LDLRAD4: variants seen among roughly 807,000 people sequenced by gnomAD.
LDLRAD4 encodes the protein low-density lipoprotein receptor class A domain-containing protein 4.
Under a neutral mutation model 17.0 loss-of-function variants are expected in LDLRAD4, and 5 were observed. The observed-to-expected ratio is 0.29, with a 90% confidence interval of 0.15 to 0.62. LDLRAD4 has a LOEUF of 0.62. Ranked by LOEUF, LDLRAD4 falls within the 20% of genes least tolerant of loss-of-function variation. The probability of loss-of-function intolerance (pLI) is 0.84; values close to 1 mark genes in which losing one functional copy is unlikely to be tolerated. For missense variants in LDLRAD4, 340 were observed against 424.7 expected, an observed-to-expected ratio of 0.80 and a Z score of 1.75; for synonymous variants, 168 against 171.8, an observed-to-expected ratio of 0.98 and a Z score of 0.17.
Position 13,621,304 on chromosome 18 carries a change from A to G in LDLRAD4, c.336+33A>G. ...CCCTGGCCGCCCCGGCTCCAGAGTCAGGCAGCTGCAAGAGGCTTAGGAGCC... is the reference window on the plus strand; with the variant it reads ...CCCTGGCCGCCCCGGCTCCAGAGTCGGGCAGCTGCAAGAGGCTTAGGAGCC... On this transcript the variant is annotated intron_variant, in intron 4 of 5. Coordinates refer to ENST00000359446, the Ensembl canonical transcript of LDLRAD4. The surrounding 1 kb of genome is among the most constrained non-coding windows in gnomAD (Gnocchi z 5.5). The G allele has an allele frequency of 6.4e-7, 1 of 1,561,338 alleles. No homozygotes were observed. The highest frequency in any genetic ancestry group is 8.8e-7 in the Non-Finnish European group (1 of 1,138,718).
intron 3 of LDLRAD4, among the ~76,000 whole-genome samples, chr18:13,478,326 AG>A (rs2092999562): frequency 6.6e-6 from 1 of 152,184 alleles, no homozygotes; most frequent in African/African-American, 2.4e-5. Context: ...CTGCCCTAGA[AG>A]GTCAGGATTA....
chr18:13,411,626 C>T (rs1324983700), intron 2 of LDLRAD4, among the ~76,000 whole-genome samples: 1 of 152,158 alleles, frequency 6.6e-6, no homozygotes, highest in Non-Finnish European at 1.5e-5. Context: ...CGCTCTCTTG[C>T]CTGCTACCAG....
At chr18:13,316,552 G>T (rs1218502604) in intron 1 of LDLRAD4, among the ~76,000 whole-genome samples, 1 of 152,222 alleles carries the variant, frequency 6.6e-6, no homozygotes, top group Non-Finnish European at 1.5e-5. Context: ...GCCACGGGTG[G>T]TTCTGAGTGG....
At chr18:13,377,232 A>C (rs1246474188) in intron 1 of LDLRAD4, among the ~76,000 whole-genome samples, 1 of 152,326 alleles carries the variant, frequency 6.6e-6, no homozygotes, top group East Asian at 1.9e-4. Context: ...ACTGTTTTGC[A>C]TTCTGTCCTT....
At chr18:13,594,175 C>T (rs1009155099) in intron 3 of LDLRAD4, among the ~76,000 whole-genome samples, 1 of 152,056 alleles carries the variant, frequency 6.6e-6, no homozygotes, top group Non-Finnish European at 1.5e-5. Context: ...AGCAGCACCT[C>T]GCTTAGAGGT....
chr18:13,406,217 C>T (rs997895517), intron 2 of LDLRAD4, among the ~76,000 whole-genome samples: 6 of 152,158 alleles, frequency 3.9e-5, no homozygotes, highest in South Asian at 2.1e-4. Context: ...CGGCTGATGA[C>T]GGATGGTGAA....
intron 3 of LDLRAD4, among the ~76,000 whole-genome samples, chr18:13,536,893 T>G (rs996732986): frequency 6.6e-6 from 1 of 152,230 alleles, no homozygotes; most frequent in African/African-American, 2.4e-5. Context: ...TATGTTTTTT[T>G]CAAATATTCT....
At chr18:13,650,124 A>C in exon 6 of LDLRAD4, 1 of 398,594 alleles carries the variant, frequency 2.5e-6, no homozygotes. Context: ...AATGGAAAGC[A>C]CTCTTAGCCT....
intron 3 of LDLRAD4, among the ~76,000 whole-genome samples, chr18:13,573,104 TA>T (rs2094715962): frequency 6.6e-6 from 1 of 151,896 alleles, no homozygotes; most frequent in Non-Finnish European, 1.5e-5. Context: ...TTTTTATTTT[TA>T]TTTTATTTTA....
intron 3 of LDLRAD4, among the ~76,000 whole-genome samples, chr18:13,495,724 G>C (rs564352731): frequency 6.6e-6 from 1 of 152,036 alleles, no homozygotes. Flanking sequence ...TTCAAAGGTC[G>C]TAGGGCCCAG....
intron 1 of LDLRAD4, among the ~76,000 whole-genome samples, chr18:13,372,134 A>G (rs899040041): frequency 3.9e-5 from 6 of 152,344 alleles, no homozygotes; most frequent in Middle Eastern, 3.4e-3. Flanking sequence ...CACTTGATCT[A>G]TTGTCGAATT....
At chr18:13,321,030 C>T (rs1350921040) in intron 1 of LDLRAD4, among the ~76,000 whole-genome samples, 3 of 152,130 alleles carry the variant, frequency 2.0e-5, no homozygotes, top group Non-Finnish European at 2.9e-5. Flanking sequence ...GTGTGGAGAG[C>T]GTAGTTGGAG....
At position 13,557,432 on chromosome 18, in the gene LDLRAD4, G is replaced by A. The variant is rs550702988; in HGVS notation, c.182-63685G>A. 1.1e-4 allele frequency among the ~76,000 whole-genome samples: 17 copies of A among 152,020 alleles called. No homozygotes were observed. The South Asian group carries it at 2.7e-3, about 24-fold the overall frequency. On this transcript the variant is annotated intron_variant, in intron 3 of 5. Transcript: ENST00000359446. ...CCTTTTTTTTTTGAGATTGAGTCTC[G>A]CTCTTTCGCCCAAGCTGGGGCGCAG...
At chr18:13,259,859 G>A (rs922200978) in intron 1 of LDLRAD4, among the ~76,000 whole-genome samples, 2 of 152,214 alleles carry the variant, frequency 1.3e-5, no homozygotes, top group African/African-American at 4.8e-5. Context: ...CACTGGGTGC[G>A]CAGGGCAAGA....
intron 4 of LDLRAD4, among the ~76,000 whole-genome samples, chr18:13,636,743 G>T (rs983278059): frequency 5.5e-5 from 8 of 145,370 alleles, no homozygotes; most frequent in Non-Finnish European, 1.1e-4. Flanking sequence ...CAGGTGATTT[G>T]CCTGCCTTGG....
At chr18:13,532,840 G>A (rs981873646) in intron 3 of LDLRAD4, among the ~76,000 whole-genome samples, 35 of 152,212 alleles carry the variant, frequency 2.3e-4, no homozygotes, top group Non-Finnish European at 8.8e-5. Context: ...TGGCATGCCT[G>A]GCCCTGCGCC....
chr18:13,392,226 G>A (rs904425851), intron 2 of LDLRAD4, among the ~76,000 whole-genome samples: 1 of 152,264 alleles, frequency 6.6e-6, no homozygotes, highest in Non-Finnish European at 1.5e-5. Flanking sequence ...GTTCAGCTGT[G>A]CGTGGAGCGG....
chr18:13,366,035 A>G (rs936206569), intron 1 of LDLRAD4: 7 of 151,494 alleles, frequency 4.6e-5, no homozygotes, highest in African/African-American at 1.7e-4. Flanking sequence ...GGCCTCCCAA[A>G]GTGCTGGGAT....
At chr18:13,226,180 C>CTTTTTTTTTTTTGTTTTTTTTTTTTTT (rs2041785163) in intron 1 of LDLRAD4, among the ~76,000 whole-genome samples, 1 of 52,186 alleles carries the variant, frequency 1.9e-5, no homozygotes, top group African/African-American at 7.8e-5. Flanking sequence ...CCATGCCTTG[C>CTTTTTTTTTTTTGTTTTTTTTTTTTTT]TTTTTTTTTT....
Sources: gnomAD v4.1 joint callset for allele counts (sites outside exome capture counted in the v4.1 genomes callset) on GRCh38, gnomAD v4.1.1 for gene constraint, Gnocchi (gnomAD v3.1) non-coding constraint, MANE v1.5 for transcripts, NCBI Gene and HGNC (gene_info 2026-07-23, HGNC 2026-07-21) for gene names.